Variants in PHF24 observed in about 807,000 individuals in gnomAD.
The protein encoded by PHF24 is Galpha inhibitory interacting protein.
A neutral mutation model predicts 42.6 loss-of-function variants in PHF24; 25 were observed. The observed-to-expected ratio is 0.59, with a 90% CI of 0.43 to 0.82. The LOEUF is 0.82. Ranked by LOEUF, PHF24 falls within the 40% of genes least tolerant of loss-of-function variation. The pLI is 0.00. For missense variants in PHF24, 470 were observed against 538.1 expected (o/e 0.87, Z 1.25); for synonymous variants, 185 against 204.8 (o/e 0.90, Z 0.83).
chr9:34,744,625 A>G, the PHF24 span, among the ~76,000 whole-genome samples: 1 of 152,220 alleles, frequency 6.6e-6, no homozygotes, highest in African/African-American at 2.4e-5. Flanking sequence ...ATAATATGCT[A>G]CTTTTACTTT....
the PHF24 span, chr9:34,889,162 G>A: frequency 2.5e-6 from 1 of 398,514 alleles, no homozygotes; most frequent in African/African-American, 2.1e-5. Context: ...GATTGCAGAG[G>A]TTCAGGAACC....
chr9:34,937,374 T>C, the PHF24 span, among the ~76,000 whole-genome samples: 6 of 152,142 alleles, frequency 3.9e-5, no homozygotes, highest in Non-Finnish European at 1.5e-5. Context: ...CTCTGAAACA[T>C]GTGCTGTGTC....
At chr9:34,952,774 C>T (rs112645579), upstream of PHF24, among the ~76,000 whole-genome samples, 3,973 of 152,236 alleles carry the variant, frequency 0.026, 167 homozygotes, top group African/African-American at 0.091. Flanking sequence ...CAAAGAACTA[C>T]ACATATTTAA....
At chr9:34,758,069 C>G in the PHF24 span, among the ~76,000 whole-genome samples, 1 of 152,140 alleles carries the variant, frequency 6.6e-6, no homozygotes, top group Non-Finnish European at 1.5e-5. This position sits in a 1 kb window ranked among gnomAD's most constrained non-coding sequence, Gnocchi z 4.4. Flanking sequence ...AAGATGACAT[C>G]GCAAGTCTGC....
chr9:34,698,769 C>G, the PHF24 span, among the ~76,000 whole-genome samples: 3 of 152,182 alleles, frequency 2.0e-5, no homozygotes, highest in South Asian at 4.1e-4. Context: ...TGTGAGCCAC[C>G]GTGCCCAGCC....
the PHF24 span, among the ~76,000 whole-genome samples, chr9:34,942,637 T>A: frequency 1.3e-5 from 2 of 152,186 alleles, no homozygotes. Flanking sequence ...AAACTGTTTC[T>A]GATCCTCTTT....
the PHF24 span, among the ~76,000 whole-genome samples, chr9:34,733,399 C>T: frequency 6.6e-6 from 1 of 151,706 alleles, no homozygotes; most frequent in Non-Finnish European, 1.5e-5. Flanking sequence ...AATACTTTTT[C>T]TCAGTTTGTC....
chr9:34,860,020 C>A, the PHF24 span, among the ~76,000 whole-genome samples: 1 of 152,194 alleles, frequency 6.6e-6, no homozygotes, highest in East Asian at 1.9e-4. Flanking sequence ...TCTCTCTTCT[C>A]AGGTACTCTG....
the PHF24 span, among the ~76,000 whole-genome samples, chr9:34,860,687 A>AGT: frequency 0.11 from 16,751 of 149,848 alleles, 2,059 homozygotes; most frequent in African/African-American, 0.31. Context: ...GACCTTTAAA[A>AGT]GTGTGTGTGT....
At chr9:34,937,010 T>C in the PHF24 span, among the ~76,000 whole-genome samples, 2 of 130,432 alleles carry the variant, frequency 1.5e-5, no homozygotes, top group African/African-American at 2.9e-5. Context: ...AGCCGCCCCG[T>C]CCGGGAGGGA....
chr9:34,742,904 A>C, the PHF24 span, among the ~76,000 whole-genome samples: 11 of 150,682 alleles, frequency 7.3e-5, no homozygotes, highest in Non-Finnish European at 1.5e-4. Flanking sequence ...GTTTTTGTAA[A>C]TAAAGTTTTA....
At chr9:34,694,737 G>T in the PHF24 span, among the ~76,000 whole-genome samples, 1 of 152,168 alleles carries the variant, frequency 6.6e-6, no homozygotes, top group African/African-American at 2.4e-5. Context: ...CCAAAGTGCT[G>T]GGATGACAGG....
the PHF24 span, among the ~76,000 whole-genome samples, chr9:34,677,078 C>T: frequency 1.3e-5 from 2 of 152,226 alleles, no homozygotes; most frequent in African/African-American, 4.8e-5. Context: ...ACACCTCCCT[C>T]CTAGCTTGTC....
the PHF24 span, chr9:34,918,129 C>T: frequency 3.9e-6 from 6 of 1,547,582 alleles, no homozygotes; most frequent in South Asian, 1.1e-5. Flanking sequence ...TGTAGCCAAT[C>T]GTAGCGCCAG....
chr9:34,894,418 G>T, the PHF24 span: 1 of 398,430 alleles, frequency 2.5e-6, no homozygotes, highest in African/African-American at 2.1e-5. Context: ...GCAGCTGGGA[G>T]ACTGCAAAGA....
At chr9:34,719,257 T>A in the PHF24 span, among the ~76,000 whole-genome samples, 3 of 152,230 alleles carry the variant, frequency 2.0e-5, no homozygotes, top group Non-Finnish European at 4.4e-5. Context: ...CAGATTGGTC[T>A]TGAACTTCTG....
chr9:34,775,001 G>A, the PHF24 span, among the ~76,000 whole-genome samples: 1 of 152,086 alleles, frequency 6.6e-6, no homozygotes, highest in Non-Finnish European at 1.5e-5. Context: ...CAGTATGGTA[G>A]TTCCTCAAAA....
the PHF24 span, among the ~76,000 whole-genome samples, chr9:34,780,290 C>CTTTTCTTTTTTTTTTTTTTTTT: frequency 8.8e-6 from 1 of 113,952 alleles, no homozygotes; most frequent in African/African-American, 3.1e-5. Context: ...TCTTTTTTTT[C>CTTTTCTTTTTTTTTTTTTTTTT]TTTTTTTCTT....
At chr9:34,762,133 T>C in the PHF24 span, among the ~76,000 whole-genome samples, 30 of 152,278 alleles carry the variant, frequency 2.0e-4, 2 homozygotes, top group Admixed American at 9.8e-4. Flanking sequence ...TCTTTGCTAT[T>C]GTGAATAGTG....
Sources: allele counts gnomAD v4.1 joint callset (sites outside exome capture counted in the v4.1 genomes callset), GRCh38; gene constraint gnomAD v4.1.1; non-coding constraint Gnocchi (gnomAD v3.1); transcripts MANE v1.5; gene names NCBI Gene and HGNC (gene_info 2026-07-23, HGNC 2026-07-21).